MAML3: variants seen among roughly 807,000 people sequenced by gnomAD.
MAML3 encodes mastermind like transcriptional coactivator 3.
A neutral mutation model predicts 101.9 loss-of-function variants in MAML3; 27 were observed. That is an observed-to-expected ratio of 0.27 (90% confidence interval 0.20 to 0.37). The LOEUF is 0.37. Among genes scored for constraint, MAML3 ranks in the 10% least tolerant of loss-of-function variants. The probability of loss-of-function intolerance (pLI) is 1.00; values close to 1 mark genes in which losing one functional copy is unlikely to be tolerated. For missense variants in MAML3, 1,316 were observed against 1,444.9 expected (o/e 0.91, Z 1.45); for synonymous variants, 501 against 555.9 (o/e 0.90, Z 1.39).
At chr4:139,752,863 T>C (rs1029170610) in intron 2 of MAML3, among the ~76,000 whole-genome samples, 2 of 152,198 alleles carry the variant, frequency 1.3e-5, no homozygotes, top group African/African-American at 4.8e-5. Flanking sequence ...GTTAATGCGA[T>C]GTCATTAGCT....
At chr4:139,852,401 C>CTT (rs1560814189) in intron 2 of MAML3, among the ~76,000 whole-genome samples, 1 of 126,272 alleles carries the variant, frequency 7.9e-6, no homozygotes, top group African/African-American at 3.4e-5. Flanking sequence ...ATTCAGAAGA[C>CTT]TGTTTTTTTT....
intron 2 of MAML3, among the ~76,000 whole-genome samples, chr4:139,870,432 A>C (rs888214650): frequency 2.6e-5 from 4 of 152,252 alleles, no homozygotes; most frequent in African/African-American, 9.6e-5. Context: ...AAGTTCTAGC[A>C]GATGAGAATA....
At chr4:140,146,668 A>G (rs915016127) in intron 1 of MAML3, among the ~76,000 whole-genome samples, 9 of 152,300 alleles carry the variant, frequency 5.9e-5, no homozygotes, top group African/African-American at 1.9e-4. Context: ...GGGATACTGT[A>G]ATTTTGGAGC....
intron 2 of MAML3, among the ~76,000 whole-genome samples, chr4:139,837,717 C>T (rs1424304392): frequency 6.6e-6 from 1 of 151,994 alleles, no homozygotes; most frequent in African/African-American, 2.4e-5. Flanking sequence ...GTCAGGAGTT[C>T]AAGAGCAGAC....
intron 1 of MAML3, among the ~76,000 whole-genome samples, chr4:139,949,555 A>G (rs889363433): frequency 2.0e-5 from 3 of 152,230 alleles, no homozygotes; most frequent in Non-Finnish European, 4.4e-5. Flanking sequence ...CTTTTATTCT[A>G]AAGAAATACC....
At chr4:139,912,294 G>T (rs1318190642) in intron 1 of MAML3, among the ~76,000 whole-genome samples, 1 of 152,140 alleles carries the variant, frequency 6.6e-6, no homozygotes, top group Non-Finnish European at 1.5e-5. Flanking sequence ...AAGAAGTTTG[G>T]CTCTAATAGT....
chr4:139,828,087 A>G (rs1162274274), intron 2 of MAML3, among the ~76,000 whole-genome samples: 1 of 152,280 alleles, frequency 6.6e-6, no homozygotes, highest in Non-Finnish European at 1.5e-5. Flanking sequence ...AGGTGAGTGC[A>G]TAGGCACCTA....
At chr4:140,059,494 C>T (rs554370164) in intron 1 of MAML3, among the ~76,000 whole-genome samples, 43 of 152,164 alleles carry the variant, frequency 2.8e-4, no homozygotes, top group African/African-American at 9.2e-4. Context: ...TGATTTAGGG[C>T]AAAGGTGAAA....
chr4:139,862,612 G>A (rs1731803399), intron 2 of MAML3, among the ~76,000 whole-genome samples: 1 of 146,828 alleles, frequency 6.8e-6, no homozygotes, highest in Non-Finnish European at 1.5e-5. Context: ...GACATGTGCT[G>A]GGTAAGAGTG....
intron 1 of MAML3, among the ~76,000 whole-genome samples, chr4:140,120,714 T>C (rs1047194652): frequency 6.6e-6 from 1 of 152,198 alleles, no homozygotes; most frequent in African/African-American, 2.4e-5. Context: ...GAGAAACATA[T>C]GGATTATTTT....
At chr4:139,964,694 C>T (rs1335909629) in intron 1 of MAML3, among the ~76,000 whole-genome samples, 3 of 151,916 alleles carry the variant, frequency 2.0e-5, no homozygotes, top group East Asian at 1.9e-4. Context: ...AACAATGGTC[C>T]TTTTACTTTA....
chr4:139,859,984 A>G (rs2604924), intron 2 of MAML3, among the ~76,000 whole-genome samples: 78,045 of 151,894 alleles, frequency 0.51, 21,774 homozygotes, highest in African/African-American at 0.72. Context: ...GCGTCGCGGG[A>G]GGGGCTAGAG....
chr4:139,772,992 A>G (rs1210064741), intron 2 of MAML3, among the ~76,000 whole-genome samples: 1 of 152,088 alleles, frequency 6.6e-6, no homozygotes, highest in Non-Finnish European at 1.5e-5. Context: ...CTCTAGCTCT[A>G]TGATCATAGG....
chr4:139,730,747 G>A, intron 2 of MAML3, 80 bp from the exon 3 acceptor site: 5 of 1,341,756 alleles, frequency 3.7e-6, no homozygotes, highest in Non-Finnish European at 3.1e-6. Context: ...CCTGGAAAAA[G>A]GGAACGGGGC....
At chr4:140,143,937 CTCT>C (rs1322653493) in intron 1 of MAML3, among the ~76,000 whole-genome samples, 1 of 152,186 alleles carries the variant, frequency 6.6e-6, no homozygotes, top group African/African-American at 2.4e-5. Context: ...CCTCTCTCTG[CTCT>C]TCAAGTAATG....
At chr4:140,042,210 T>C (rs545315346) in intron 1 of MAML3, among the ~76,000 whole-genome samples, 1 of 152,324 alleles carries the variant, frequency 6.6e-6, no homozygotes, top group Non-Finnish European at 1.5e-5. Flanking sequence ...AGTGAATGAA[T>C]GCAAAAGCTA....
At position 139,719,401 on chromosome 4, in the gene MAML3, G is replaced by T; in HGVS notation, c.3339C>A (p.Asp1113Glu). 2 of 1,613,994 alleles carry T rather than the reference G, an allele frequency of 1.2e-6. No homozygotes were observed. The highest frequency in any genetic ancestry group is 2.2e-5 in the East Asian group (1 of 44,872). Residue 1113 changes from aspartate to glutamate, a missense_variant, in exon 5 of 5, where the codon GAC (aspartate) becomes GAA (glutamate). By Grantham distance (45) the Asp-to-Glu change is conservative. Transcript: ENST00000509479. ...CGCCTTTGATGATGGAGTCCACAAG[G>T]TCTGCACCGTCCGGGAGGCCAGGGA... Reference protein sequence around the residue: ...GSFPGLPDGADLVDSIIKGGP... With the variant: ...GSFPGLPDGAELVDSIIKGGP...
At chr4:139,821,857 T>C (rs1400845313) in intron 2 of MAML3, among the ~76,000 whole-genome samples, 3 of 152,248 alleles carry the variant, frequency 2.0e-5, no homozygotes, top group Non-Finnish European at 4.4e-5. Context: ...CCCAGTACTA[T>C]ACTATTCACA....
chr4:139,805,604 A>T (rs1730686160), intron 2 of MAML3, among the ~76,000 whole-genome samples: 1 of 152,228 alleles, frequency 6.6e-6, no homozygotes, highest in Non-Finnish European at 1.5e-5. Context: ...GACTTGAGTG[A>T]ATGGAGATAT....
Sources: allele counts gnomAD v4.1 joint callset (sites outside exome capture counted in the v4.1 genomes callset), GRCh38; gene constraint gnomAD v4.1.1; transcripts MANE v1.5; gene names NCBI Gene and HGNC (gene_info 2026-07-23, HGNC 2026-07-21).